Variants in CNTN5 observed in about 807,000 individuals in gnomAD.
CNTN5 encodes the protein contactin-5.
A neutral mutation model predicts 129.1 loss-of-function variants in CNTN5; 77 were observed. The ratio of observed to expected loss-of-function variants is 0.60; its 90% confidence interval spans 0.50 to 0.72. The LOEUF is 0.72. Among genes scored for constraint, CNTN5 ranks in the 30% least tolerant of loss-of-function variants. The probability of loss-of-function intolerance (pLI) is 0.00; values close to 1 mark genes in which losing one functional copy is unlikely to be tolerated. For synonymous variants in CNTN5, 509 were observed against 465.6 expected (o/e 1.09, Z -1.20); for missense variants, 1,478 against 1,328.8 (o/e 1.11, Z -1.75).
chr11:99,104,078 A>T (rs967134371), intron 1 of CNTN5, among the ~76,000 whole-genome samples: 1 of 152,230 alleles, frequency 6.6e-6, no homozygotes, highest in Non-Finnish European at 1.5e-5. Context: ...GTAAATGCAT[A>T]GAAACAAACA....
At chr11:99,131,429 A>G (rs891105611) in intron 1 of CNTN5, among the ~76,000 whole-genome samples, 1 of 151,930 alleles carries the variant, frequency 6.6e-6, no homozygotes, top group African/African-American at 2.4e-5. Context: ...AAGGAGACAG[A>G]GACTCAAAAA....
At chr11:100,214,155 T>C (rs1020926670) in intron 15 of CNTN5, among the ~76,000 whole-genome samples, 3 of 152,004 alleles carry the variant, frequency 2.0e-5, no homozygotes, top group Non-Finnish European at 1.5e-5. Context: ...TGATATAAAA[T>C]TAATTATTTC....
intron 1 of CNTN5, among the ~76,000 whole-genome samples, chr11:99,170,156 G>GAA (rs1861074930): frequency 6.6e-6 from 1 of 151,824 alleles, no homozygotes; most frequent in African/African-American, 2.4e-5. Flanking sequence ...GTGTATATAT[G>GAA]GCTTACGTTT....
At chr11:100,048,660 A>G (rs948691072) in intron 9 of CNTN5, among the ~76,000 whole-genome samples, 1 of 152,044 alleles carries the variant, frequency 6.6e-6, no homozygotes, top group African/African-American at 2.4e-5. Flanking sequence ...CAAACTGTAA[A>G]ATATACTAGA....
rs539291999 is a variant in CNTN5 at position 99,736,918 on chromosome 11, A to G, written c.56-82626A>G. Among the ~76,000 whole-genome samples the G allele has an allele frequency of 7.9e-5, 12 of 152,268 alleles. No individual in the cohort carries two copies. The South Asian group carries it at 2.3e-3, about 29-fold the overall frequency. On this transcript the variant is annotated intron_variant, in intron 3 of 24. Coordinates refer to ENST00000524871, the MANE Select transcript of CNTN5 (RefSeq NM_014361.4). ...GCTGTGGGGAATTACAAAGTTTGTG[A>G]TCACTTACACCAAAATACATAAGAA...
intron 9 of CNTN5, among the ~76,000 whole-genome samples, chr11:100,046,975 A>G (rs1424005319): frequency 1.3e-5 from 2 of 152,194 alleles, no homozygotes; most frequent in Non-Finnish European, 2.9e-5. Context: ...TAGAGCTGAA[A>G]GGACAGAGAG....
intron 4 of CNTN5, among the ~76,000 whole-genome samples, chr11:99,825,020 A>C (rs1031835942): frequency 2.0e-5 from 3 of 152,008 alleles, no homozygotes; most frequent in Non-Finnish European, 4.4e-5. Flanking sequence ...GAGCCCTATC[A>C]ATCTGTTACT....
At chr11:99,519,622 T>C (rs987174134) in intron 2 of CNTN5, among the ~76,000 whole-genome samples, 5 of 152,134 alleles carry the variant, frequency 3.3e-5, no homozygotes, top group Non-Finnish European at 7.4e-5. Context: ...GTATTATTTC[T>C]ACTTTTATCA....
At chr11:99,393,876 A>C (rs1272675947) in intron 2 of CNTN5, among the ~76,000 whole-genome samples, 1 of 151,778 alleles carries the variant, frequency 6.6e-6, no homozygotes, top group Non-Finnish European at 1.5e-5. Context: ...CTAAATTGTA[A>C]GATAAAATGC....
At chr11:99,359,719 C>T (rs915930286) in intron 2 of CNTN5, among the ~76,000 whole-genome samples, 1 of 151,890 alleles carries the variant, frequency 6.6e-6, no homozygotes. Flanking sequence ...GCATGAGTCT[C>T]AAGATATGAT....
intron 10 of CNTN5, 140 bp from the exon 11 acceptor site, chr11:100,070,284 A>C: frequency 1.3e-6 from 1 of 746,976 alleles, no homozygotes; most frequent in Non-Finnish European, 2.1e-6. Flanking sequence ...TGTGTAACGC[A>C]ATGCTGTGCT....
At chr11:99,901,202 T>A (rs2065403671) in intron 6 of CNTN5, among the ~76,000 whole-genome samples, 1 of 152,188 alleles carries the variant, frequency 6.6e-6, no homozygotes, top group East Asian at 1.9e-4. Flanking sequence ...CTTGTCTCCA[T>A]TGTCAATACT....
intron 1 of CNTN5, among the ~76,000 whole-genome samples, chr11:99,200,280 T>C (rs1415814056): frequency 6.6e-6 from 1 of 152,228 alleles, no homozygotes; most frequent in Non-Finnish European, 1.5e-5. Flanking sequence ...AATACTGTTA[T>C]GAATTAGTTT....
intron 16 of CNTN5, among the ~76,000 whole-genome samples, chr11:100,251,365 G>T (rs1385103126): frequency 1.3e-5 from 2 of 152,250 alleles, no homozygotes; most frequent in Non-Finnish European, 2.9e-5. Flanking sequence ...ATACTGTACA[G>T]TGATCAGATC....
At chr11:99,553,701 A>G (rs10893491) in intron 2 of CNTN5, among the ~76,000 whole-genome samples, 13,416 of 151,864 alleles carry the variant, frequency 0.088, 1,186 homozygotes, top group East Asian at 0.34. Context: ...TTTTATATAC[A>G]TATCAAAGCA....
intron 1 of CNTN5, among the ~76,000 whole-genome samples, chr11:99,123,546 T>C (rs931847820): frequency 2.6e-5 from 4 of 152,070 alleles, no homozygotes; most frequent in Admixed American, 2.0e-4. Context: ...TTTAATTAGG[T>C]AATAATTGCC....
chr11:99,764,397 C>G (rs1013217836), intron 3 of CNTN5, among the ~76,000 whole-genome samples: 8 of 151,778 alleles, frequency 5.3e-5, no homozygotes, highest in African/African-American at 1.9e-4. Flanking sequence ...CACTGGAAAT[C>G]AATTTTTTGT....
intron 2 of CNTN5, among the ~76,000 whole-genome samples, chr11:99,531,011 C>T (rs1392382517): frequency 6.6e-6 from 1 of 152,198 alleles, no homozygotes; most frequent in Non-Finnish European, 1.5e-5. Context: ...AACTTTGAAA[C>T]TGGGTAACAG....
intron 1 of CNTN5, among the ~76,000 whole-genome samples, chr11:99,310,379 T>G (rs1865057961): frequency 6.6e-6 from 1 of 152,122 alleles, no homozygotes; most frequent in South Asian, 2.1e-4. Context: ...ATAGTATTAT[T>G]TAAAATCTTG....
Sources: gnomAD v4.1 joint callset for allele counts (sites outside exome capture counted in the v4.1 genomes callset) on GRCh38, gnomAD v4.1.1 for gene constraint, MANE v1.5 for transcripts, NCBI Gene and HGNC (gene_info 2026-07-23, HGNC 2026-07-21) for gene names.